DENND1A: variants seen among roughly 807,000 people sequenced by gnomAD.
DENND1A encodes the protein DENN domain containing 1A.
In DENND1A, 51 loss-of-function variants were observed where a neutral mutation model predicts 113.7. That is an observed-to-expected ratio of 0.45 (90% CI 0.36 to 0.57). DENND1A has a LOEUF of 0.57. Among genes scored for constraint, DENND1A ranks in the 20% least tolerant of loss-of-function variants. The pLI is 0.00. For synonymous variants in DENND1A, 565 were observed against 570.8 expected (o/e 0.99, Z 0.14); for missense variants, 1,258 against 1,395.9 (o/e 0.90, Z 1.57).
intron 2 of DENND1A, among the ~76,000 whole-genome samples, chr9:123,825,038 G>A (rs1328901103): frequency 6.6e-6 from 1 of 152,148 alleles, no homozygotes; most frequent in South Asian, 2.1e-4. Context: ...AAGTGGGCAA[G>A]AAGCAAGTTA....
chr9:123,699,688 CTT>C (rs34215948), intron 5 of DENND1A, among the ~76,000 whole-genome samples: 8 of 112,410 alleles, frequency 7.1e-5, no homozygotes, highest in Admixed American at 8.9e-5. Context: ...TTCTTTCTTT[CTT>C]TTTTTTTTTT....
intron 13 of DENND1A, among the ~76,000 whole-genome samples, chr9:123,499,034 A>G (rs1003187452): frequency 6.8e-6 from 1 of 147,366 alleles, no homozygotes; most frequent in African/African-American, 2.5e-5. Context: ...TTTTAAAAAA[A>G]TCTTTTCTTT....
At chr9:123,396,967 G>A (rs962780798) in intron 21 of DENND1A, among the ~76,000 whole-genome samples, 2 of 152,226 alleles carry the variant, frequency 1.3e-5, no homozygotes, top group African/African-American at 4.8e-5. Context: ...AACAAGGCAT[G>A]TTTGAGGCTC....
chr9:123,703,762 T>C, intron 5 of DENND1A, among the ~76,000 whole-genome samples: 1 of 152,160 alleles, frequency 6.6e-6, no homozygotes, highest in South Asian at 2.1e-4. Flanking sequence ...AAAGATAAAG[T>C]TAATTGACAA....
At chr9:123,769,314 A>G (rs746214792) in intron 4 of DENND1A, among the ~76,000 whole-genome samples, 200 bp downstream of exon 4, 21 of 152,316 alleles carry the variant, frequency 1.4e-4, no homozygotes, top group Admixed American at 5.2e-4. Flanking sequence ...CAAACTAACC[A>G]ATGCAAAGCT....
intron 19 of DENND1A, chr9:123,414,110 G>A: frequency 1.0e-6 from 1 of 996,418 alleles, no homozygotes; most frequent in Non-Finnish European, 1.2e-6. Context: ...GCCTCTAGGG[G>A]TCAGACAGTT....
intron 10 of DENND1A, among the ~76,000 whole-genome samples, chr9:123,625,965 C>A (rs1356599672): frequency 6.6e-6 from 1 of 152,096 alleles, no homozygotes; most frequent in South Asian, 2.1e-4. Context: ...AATTGCGGCT[C>A]ACTGTAGCCT....
intron 1 of DENND1A, among the ~76,000 whole-genome samples, chr9:123,916,484 T>C (rs1220761714): frequency 6.6e-6 from 1 of 151,152 alleles, no homozygotes; most frequent in Non-Finnish European, 1.5e-5. Flanking sequence ...GCAGTTCTCC[T>C]GCCTCAGCCT....
intron 5 of DENND1A, among the ~76,000 whole-genome samples, chr9:123,754,295 T>G (rs1324492709): frequency 6.6e-6 from 1 of 152,174 alleles, no homozygotes; most frequent in African/African-American, 2.4e-5. Flanking sequence ...CGTCAACCAG[T>G]CATCCAGCTT....
chr9:123,841,420 T>G (rs551463232), intron 2 of DENND1A, among the ~76,000 whole-genome samples: 3 of 152,220 alleles, frequency 2.0e-5, no homozygotes, highest in African/African-American at 7.2e-5. Flanking sequence ...ATAAATTACC[T>G]AATTTTCAGT....
chr9:123,757,065 CA>C lies in DENND1A; in HGVS notation c.302+637del, dbSNP rs555671590. Among the ~76,000 whole-genome samples the C allele has an allele frequency of 9.1e-4, 138 of 152,294 alleles. 2 individuals carry two copies. The South Asian group carries it at 0.027, about 30-fold the overall frequency. On this transcript the variant is annotated intron_variant, in intron 5 of 23. Coordinates refer to ENST00000394215, the MANE Select transcript of DENND1A (RefSeq NM_001352964.2). The stretch of plus-strand genomic sequence containing the variant: ...CAGGAGTCCACAGAGCCAGCAGCTC[CA>C]AAATCGGATTTCCACACATCCTCCC...
At chr9:123,471,602 G>A (rs577381418) in intron 13 of DENND1A, among the ~76,000 whole-genome samples, 8 of 152,294 alleles carry the variant, frequency 5.3e-5, no homozygotes, top group East Asian at 1.9e-4. Flanking sequence ...GGGCTGGGAC[G>A]CCGCAGGACA....
intron 13 of DENND1A, among the ~76,000 whole-genome samples, chr9:123,551,559 C>G (rs1311276222): frequency 6.6e-6 from 1 of 152,154 alleles, no homozygotes; most frequent in Non-Finnish European, 1.5e-5. Context: ...TTCGCTCCAT[C>G]CCCTGTGTGT....
chr9:123,677,623 G>C (rs981065122), intron 5 of DENND1A, among the ~76,000 whole-genome samples: 1 of 152,072 alleles, frequency 6.6e-6, no homozygotes. Flanking sequence ...TAATAGAGAC[G>C]GGGTTTCACC....
intron 13 of DENND1A, among the ~76,000 whole-genome samples, chr9:123,480,499 T>A (rs2050248647): frequency 6.6e-6 from 1 of 152,212 alleles, no homozygotes; most frequent in Non-Finnish European, 1.5e-5. Flanking sequence ...CGGTATTCCC[T>A]CTGCTTAGAA....
intron 2 of DENND1A, among the ~76,000 whole-genome samples, chr9:123,813,739 G>A (rs994685412): frequency 9.9e-5 from 15 of 152,118 alleles, no homozygotes; most frequent in Non-Finnish European, 1.8e-4. Context: ...AAGTAAAACA[G>A]ACATTTCTAC....
chr9:123,927,930 G>T (rs1245286551), intron 1 of DENND1A, among the ~76,000 whole-genome samples: 1 of 152,220 alleles, frequency 6.6e-6, no homozygotes, highest in Non-Finnish European at 1.5e-5. Flanking sequence ...GCTACAGGCA[G>T]AAGTTGCATA....
intron 11 of DENND1A, among the ~76,000 whole-genome samples, chr9:123,598,337 G>A (rs759296597): frequency 2.0e-5 from 3 of 151,668 alleles, no homozygotes; most frequent in Non-Finnish European, 2.9e-5. Flanking sequence ...GTGCAGCAGT[G>A]CATAATGATG....
intron 2 of DENND1A, among the ~76,000 whole-genome samples, chr9:123,795,998 T>G (rs1833702193): frequency 6.6e-6 from 1 of 152,194 alleles, no homozygotes; most frequent in Non-Finnish European, 1.5e-5. Context: ...TATCCTTTTC[T>G]CTCAACAACT....
Sources: gnomAD v4.1 joint callset for allele counts (sites outside exome capture counted in the v4.1 genomes callset) on GRCh38, gnomAD v4.1.1 for gene constraint, MANE v1.5 for transcripts, NCBI Gene and HGNC (gene_info 2026-07-23, HGNC 2026-07-21) for gene names.